Variants in ULK4 observed in about 807,000 individuals in gnomAD.
ULK4 encodes inactive serine/threonine-protein kinase ULK4.
ULK4 carries 133 observed loss-of-function variants against 160.6 expected under a neutral mutation model. The ratio of observed to expected loss-of-function variants is 0.83; its 90% CI spans 0.72 to 0.96. ULK4 has a LOEUF of 0.96. Ranked by LOEUF, ULK4 falls within the 40% of genes least tolerant of loss-of-function variation. ULK4 has a pLI of 0.00. For missense variants in ULK4, 1,580 were observed against 1,499.5 expected (o/e 1.05, Z -0.89); for synonymous variants, 534 against 539.8 (o/e 0.99, Z 0.15).
At chr3:41,789,921 T>C in intron 20 of ULK4, 78 bp from the exon 21 acceptor site, 1 of 1,320,644 alleles carries the variant, frequency 7.6e-7, no homozygotes, top group Non-Finnish European at 1.0e-6. Context: ...CACATGCTTC[T>C]GTGTCAAGGA....
At chr3:41,318,823 A>C (rs2080193825) in intron 35 of ULK4, among the ~76,000 whole-genome samples, 1 of 152,204 alleles carries the variant, frequency 6.6e-6, no homozygotes, top group South Asian at 2.1e-4. Context: ...TTGCAAAGAA[A>C]ATAGCTGTAT....
intron 34 of ULK4, among the ~76,000 whole-genome samples, chr3:41,442,409 G>C (rs1189313940): frequency 2.0e-5 from 3 of 152,152 alleles, no homozygotes; most frequent in African/African-American, 4.8e-5. Flanking sequence ...CTACCACCCA[G>C]AGTAAACCAC....
chr3:41,661,822 C>T (rs2035180653), intron 30 of ULK4, among the ~76,000 whole-genome samples: 1 of 152,110 alleles, frequency 6.6e-6, no homozygotes, highest in Admixed American at 6.5e-5. Flanking sequence ...AGTAAACGGA[C>T]TTCTAAACCT....
chr3:41,902,581 A>G (rs1698412496), intron 12 of ULK4, among the ~76,000 whole-genome samples: 1 of 146,992 alleles, frequency 6.8e-6, no homozygotes, highest in Non-Finnish European at 1.5e-5. Flanking sequence ...CCACCAAAAA[A>G]AAAAAAGAAA....
chr3:41,851,860 T>C (rs2042223614), intron 17 of ULK4, among the ~76,000 whole-genome samples: 1 of 151,890 alleles, frequency 6.6e-6, no homozygotes, highest in African/African-American at 2.4e-5. Context: ...AGCAAACACA[T>C]TCAAAAGCTA....
intron 21 of ULK4, among the ~76,000 whole-genome samples, chr3:41,788,153 T>C (rs911474284): frequency 1.3e-5 from 2 of 152,186 alleles, no homozygotes; most frequent in Non-Finnish European, 1.5e-5. Context: ...TAAATCAGAA[T>C]AATTAAAGAC....
chr3:41,617,693 C>T (rs1308006266), intron 30 of ULK4, among the ~76,000 whole-genome samples: 1 of 152,170 alleles, frequency 6.6e-6, no homozygotes, highest in African/African-American at 2.4e-5. Flanking sequence ...CTGAAAATTT[C>T]AAAATCCAGA....
chr3:41,702,706 T>C (rs998183451), intron 27 of ULK4, among the ~76,000 whole-genome samples: 7 of 151,904 alleles, frequency 4.6e-5, no homozygotes, highest in African/African-American at 1.7e-4. Context: ...CCTAATAACA[T>C]GGCCTCAAAA....
rs1575657066 is a variant in ULK4, at chr3:41,757,125, T to C, written c.2194-2637A>G. Among the ~76,000 whole-genome samples the C allele has an allele frequency of 2.0e-5, 3 of 152,048 alleles. No homozygotes were observed. The East Asian group carries it at 5.8e-4, about 29-fold the overall frequency. ...TTCTTGATATATAAATATCAATAAC[T>C]AAGAAAAGAACTTAAGAACTAAGAA... On this transcript the variant is annotated intron_variant, in intron 21 of 36. Transcript: ENST00000301831.
intron 1 of ULK4, among the ~76,000 whole-genome samples, chr3:41,956,382 CCA>C (rs1700486788): frequency 1.3e-5 from 2 of 152,204 alleles, no homozygotes; most frequent in Admixed American, 1.3e-4. Context: ...CAGGTGGCTC[CCA>C]CACTGTGGAG....
chr3:41,822,301 T>C (rs2041171490), intron 18 of ULK4, among the ~76,000 whole-genome samples: 1 of 152,158 alleles, frequency 6.6e-6, no homozygotes, highest in Non-Finnish European at 1.5e-5. Flanking sequence ...CACCAGAAAC[T>C]CTTCTTAATA....
chr3:41,864,751 A>T (rs2042579213), intron 17 of ULK4, among the ~76,000 whole-genome samples: 1 of 151,958 alleles, frequency 6.6e-6, no homozygotes, highest in Admixed American at 6.6e-5. Context: ...TATCCACTTC[A>T]TTTACATTTA....
intron 20 of ULK4, among the ~76,000 whole-genome samples, chr3:41,790,397 A>C (rs1292961996): frequency 1.3e-5 from 2 of 152,260 alleles, no homozygotes; most frequent in Admixed American, 1.3e-4. Flanking sequence ...AAACCGATAT[A>C]ATCAGACCCT....
intron 31 of ULK4, among the ~76,000 whole-genome samples, chr3:41,574,464 G>A (rs879828091): frequency 6.6e-6 from 1 of 150,854 alleles, no homozygotes; most frequent in Admixed American, 6.6e-5. Flanking sequence ...ATCCTTAGCA[G>A]GGACCACAGT....
At chr3:41,785,338 A>G (rs1186328899) in intron 21 of ULK4, among the ~76,000 whole-genome samples, 1 of 152,226 alleles carries the variant, frequency 6.6e-6, no homozygotes, top group Admixed American at 6.5e-5. Flanking sequence ...TTTTATTTTA[A>G]CTTGGTAAAT....
At chr3:41,268,236 G>A (rs1280736417) in intron 35 of ULK4, among the ~76,000 whole-genome samples, 1 of 152,162 alleles carries the variant, frequency 6.6e-6, no homozygotes, top group Non-Finnish European at 1.5e-5. Context: ...TCTGATCCAT[G>A]CTGAGTCACG....
chr3:41,680,444 G>C (rs1395392321), intron 29 of ULK4, among the ~76,000 whole-genome samples: 14 of 152,088 alleles, frequency 9.2e-5, no homozygotes, highest in Admixed American at 9.2e-4. Context: ...GAGAGCCAAA[G>C]GGTCGACACA....
chr3:41,388,280 T>C (rs572509457), intron 35 of ULK4, among the ~76,000 whole-genome samples: 1 of 152,240 alleles, frequency 6.6e-6, no homozygotes, highest in South Asian at 2.1e-4. Flanking sequence ...ATTAGCCCTT[T>C]GTCAGATGAG....
intron 16 of ULK4, among the ~76,000 whole-genome samples, chr3:41,885,507 G>A (rs1697688512): frequency 6.6e-6 from 1 of 152,064 alleles, no homozygotes; most frequent in Non-Finnish European, 1.5e-5. Context: ...ACTCGACACT[G>A]TACCTCAGAA....
Sources: gnomAD v4.1 joint callset for allele counts (sites outside exome capture counted in the v4.1 genomes callset) on GRCh38, gnomAD v4.1.1 for gene constraint, MANE v1.5 for transcripts, NCBI Gene and HGNC (gene_info 2026-07-23, HGNC 2026-07-21) for gene names.